ALK: variants seen among roughly 807,000 people sequenced by gnomAD.
The protein encoded by ALK is ALK receptor tyrosine kinase, also known as ALK tyrosine kinase receptor.
In ALK, 74 loss-of-function variants were observed where a neutral mutation model predicts 163.1. That is an observed-to-expected ratio of 0.45 (90% CI 0.38 to 0.55). ALK has a LOEUF of 0.55. Among genes scored for constraint, ALK ranks in the 20% least tolerant of loss-of-function variants. ALK has a pLI of 0.00. For missense variants in ALK, 2,063 were observed against 2,105.3 expected (o/e 0.98, Z 0.39); for synonymous variants, 960 against 843.2 (o/e 1.14, Z -2.40).
intron 1 of ALK, among the ~76,000 whole-genome samples, chr2:29,795,998 T>C (rs1664300943): frequency 6.6e-6 from 1 of 150,530 alleles, no homozygotes; most frequent in Non-Finnish European, 1.5e-5. Context: ...CTTCCTAATC[T>C]CTCTCTATGA....
chr2:29,490,095 A>G (rs1671866624), intron 4 of ALK, among the ~76,000 whole-genome samples: 1 of 152,382 alleles, frequency 6.6e-6, no homozygotes, highest in African/African-American at 2.4e-5. Flanking sequence ...GGGACAAGGG[A>G]CAAAGGATTA....
intron 1 of ALK, among the ~76,000 whole-genome samples, chr2:29,761,535 A>T (rs899141907): frequency 6.6e-6 from 1 of 152,214 alleles, no homozygotes; most frequent in African/African-American, 2.4e-5. Flanking sequence ...CTTTAAAAGC[A>T]CAAAGGAAGA....
At chr2:29,540,329 A>G (rs148151387) in intron 3 of ALK, among the ~76,000 whole-genome samples, 2 of 152,276 alleles carry the variant, frequency 1.3e-5, no homozygotes, top group Admixed American at 6.5e-5. Flanking sequence ...GGTATTACAG[A>G]TATAGATAAG....
At chr2:29,474,960 T>C (rs1373112525) in intron 4 of ALK, among the ~76,000 whole-genome samples, 1 of 152,168 alleles carries the variant, frequency 6.6e-6, no homozygotes, top group East Asian at 1.9e-4. Flanking sequence ...CAGGCACTGG[T>C]GTTCACTTTG....
chr2:29,300,930 A>G (rs1205831602), intron 8 of ALK, among the ~76,000 whole-genome samples: 1 of 152,162 alleles, frequency 6.6e-6, no homozygotes, highest in Non-Finnish European at 1.5e-5. Context: ...GCGGCAGGAG[A>G]GGGCAAGAAG....
At chr2:29,831,006 GAA>G (rs1665375349) in intron 1 of ALK, among the ~76,000 whole-genome samples, 2 of 54,484 alleles carry the variant, frequency 3.7e-5, no homozygotes, top group Non-Finnish European at 7.7e-5. Flanking sequence ...AGAAGAAGAA[GAA>G]GAAGGGGAAG....
intron 4 of ALK, among the ~76,000 whole-genome samples, chr2:29,400,083 G>A (rs1440252491): frequency 6.6e-6 from 1 of 152,258 alleles, no homozygotes; most frequent in Admixed American, 6.5e-5. Flanking sequence ...TCGGTGACAG[G>A]CCAGGGGCTG....
At chr2:29,446,990 A>G (rs1279183972) in intron 4 of ALK, among the ~76,000 whole-genome samples, 1 of 152,190 alleles carries the variant, frequency 6.6e-6, no homozygotes. Context: ...TCATTCATTA[A>G]TCACTTAAAA....
At position 29,320,769 on chromosome 2, in the gene ALK, G is replaced by A. The variant is rs201449759; in HGVS notation, c.1528C>T (p.Arg510Trp). ...GTAGTACCTTGGTGGTCCTGGAACC[G>A]GGCATCCTTTAGGGTCCTGACCTGC... ...QWQVRTLKDA[R>W]FQDHQDHALL... The change falls in exon 7 of 29, where the codon CGG (arginine) becomes TGG (tryptophan). Residue 510 changes from arginine to tryptophan, a missense_variant. Physicochemically the swap from Arg to Trp is moderately radical, Grantham distance 101. Around this residue, in one of 5 missense-constraint regions of ALK, gnomAD observed 987 missense variants for 939.5 expected, o/e 1.05. Coordinates refer to ENST00000389048, the MANE Select transcript of ALK (RefSeq NM_004304.5). 56 of 1,613,944 alleles carry A rather than the reference G, an allele frequency of 3.5e-5. No homozygotes were observed. The East Asian group carries it at 7.8e-4, about 22-fold the overall frequency.
chr2:29,589,363 G>C (rs1018362646), intron 3 of ALK, among the ~76,000 whole-genome samples: 5 of 152,182 alleles, frequency 3.3e-5, no homozygotes, highest in Non-Finnish European at 7.3e-5. Flanking sequence ...CCCGTGACAG[G>C]AGAAGTTGGA....
intron 1 of ALK, among the ~76,000 whole-genome samples, chr2:29,892,077 C>T (rs1407846802): frequency 6.6e-6 from 1 of 152,182 alleles, no homozygotes; most frequent in African/African-American, 2.4e-5. Context: ...TTACCTACTA[C>T]CTGCACCCCC....
chr2:29,843,227 T>G (rs966834236), intron 1 of ALK, among the ~76,000 whole-genome samples: 1 of 152,062 alleles, frequency 6.6e-6, no homozygotes, highest in East Asian at 1.9e-4. Flanking sequence ...CCCACTACCA[T>G]GCAGAGTCAA....
At chr2:29,445,582 G>T (rs951861317) in intron 4 of ALK, among the ~76,000 whole-genome samples, 2 of 152,168 alleles carry the variant, frequency 1.3e-5, no homozygotes, top group African/African-American at 2.4e-5. Context: ...GGAGGCCGAG[G>T]GGGGTGGATC....
chr2:29,716,708 G>A (rs1385779868), intron 2 of ALK, among the ~76,000 whole-genome samples: 1 of 152,076 alleles, frequency 6.6e-6, no homozygotes, highest in Admixed American at 6.5e-5. Context: ...AATTGGACCT[G>A]GTCTCTTCAT....
intron 4 of ALK, among the ~76,000 whole-genome samples, chr2:29,461,918 A>C (rs1671094253): frequency 6.6e-6 from 1 of 152,214 alleles, no homozygotes. Context: ...GGTGTCATTA[A>C]GAATATTTTT....
Position 29,654,744 on chromosome 2 carries a change from C to A in ALK, c.952+40106G>T, listed in dbSNP as rs185073216. 3.8e-3 allele frequency among the ~76,000 whole-genome samples: 573 copies of A among 152,150 alleles called. 3 individuals are homozygous for A. Among genetic ancestry groups the A allele is most frequent in the Middle Eastern group, 0.014 (4 of 294 alleles). Reference sequence around the variant, plus strand: ...TCTTGGGTAATCAATCATGCCATAGCAAATTAAGAGTTCTTATTTTTAGGC... The same window carrying A: ...TCTTGGGTAATCAATCATGCCATAGAAAATTAAGAGTTCTTATTTTTAGGC... On this transcript the variant is annotated intron_variant, in intron 3 of 28. Transcript: ENST00000389048.
chr2:29,281,262 C>G (rs555926985), intron 9 of ALK, among the ~76,000 whole-genome samples: 1 of 152,288 alleles, frequency 6.6e-6, no homozygotes, highest in Non-Finnish European at 1.5e-5. Context: ...AGTTACTCCT[C>G]TGCCCCACTT....
At chr2:29,231,899 A>G (rs1366465100) in intron 15 of ALK, among the ~76,000 whole-genome samples, 1 of 152,180 alleles carries the variant, frequency 6.6e-6, no homozygotes, top group African/African-American at 2.4e-5. Flanking sequence ...CTGGCAGCCC[A>G]GGGCCTGGAG....
At chr2:29,279,753 C>T (rs1047498095) in intron 9 of ALK, among the ~76,000 whole-genome samples, 20 of 152,362 alleles carry the variant, frequency 1.3e-4, no homozygotes, top group Non-Finnish European at 2.8e-4. Context: ...TCGCAGTCTC[C>T]TGGTTCTACC....
Sources: allele counts gnomAD v4.1 joint callset (sites outside exome capture counted in the v4.1 genomes callset), GRCh38; gene constraint gnomAD v4.1.1; regional missense constraint gnomAD v4.1.1; transcripts MANE v1.5; gene names NCBI Gene and HGNC (gene_info 2026-07-23, HGNC 2026-07-21).